RSRC2: variants seen among roughly 807,000 people sequenced by gnomAD.
The protein encoded by RSRC2 is arginine and serine rich coiled-coil 2, also known as arginine/serine-rich coiled-coil protein 2.
RSRC2 carries 5 observed loss-of-function variants against 61.3 expected under a neutral mutation model. That is an observed-to-expected ratio of 0.08 (90% CI 0.04 to 0.17). RSRC2 has a LOEUF of 0.17. Ranked by LOEUF, RSRC2 falls within the 10% of genes least tolerant of loss-of-function variation. RSRC2 has a pLI of 1.00. For synonymous variants in RSRC2, 202 were observed against 166.5 expected (o/e 1.21, Z -1.64); for missense variants, 381 against 518.8 (o/e 0.73, Z 2.58).
intron 2 of RSRC2, among the ~76,000 whole-genome samples, chr12:122,521,667 T>A (rs1959220747): frequency 6.6e-6 from 1 of 152,212 alleles, no homozygotes; most frequent in South Asian, 2.1e-4. Flanking sequence ...GTCATAGACT[T>A]TCAGTATTTT....
At chr12:122,517,115 C>G in intron 5 of RSRC2, 112 bp downstream of exon 5, 5 of 1,474,202 alleles carry the variant, frequency 3.4e-6, no homozygotes, top group Non-Finnish European at 4.6e-6. Flanking sequence ...ATAATTTTAC[C>G]ATAATCTATA....
At chr12:122,520,548 C>T (rs755039151) in intron 3 of RSRC2, 3 of 1,367,470 alleles carry the variant, frequency 2.2e-6, no homozygotes, top group Middle Eastern at 2.1e-4. Context: ...GAGTCTGCAG[C>T]GTCTTCAGTT....
At position 122,505,715 on chromosome 12, in the gene RSRC2, CAGA is replaced by C. The variant is rs1566321025; in HGVS notation, c.1126-12_1126-10del. 1.2e-6 allele frequency: 2 copies of C among 1,608,578 alleles called. No individual in the cohort carries two copies. The highest frequency in any genetic ancestry group is 2.2e-5 in the South Asian group (2 of 90,790). The stretch of plus-strand genomic sequence containing the variant: ...CCAGCTTCATCTTCACTCTAAAAAT[CAGA>C]CATAAAACATTACAATGAATTCAGA... On this transcript the variant is annotated splice_polypyrimidine_tract_variant and intron_variant, in intron 9 of 9. Coordinates refer to ENST00000331738, the MANE Select transcript of RSRC2 (RefSeq NM_023012.6).
intron 3 of RSRC2, chr12:122,519,384 T>C (rs975155400): frequency 2.7e-5 from 4 of 147,904 alleles, no homozygotes; most frequent in Non-Finnish European, 4.6e-5. Flanking sequence ...CCAGATTACA[T>C]AATGTTAAGT....
chr12:122,521,322 A>C (rs1260788878), intron 3 of RSRC2, 63 bp downstream of exon 3: 2 of 1,301,648 alleles, frequency 1.5e-6, no homozygotes, highest in African/African-American at 2.9e-5. Flanking sequence ...ATTCATACAA[A>C]TCTTTCTACC....
intron 6 of RSRC2, chr12:122,514,704 T>C: frequency 8.6e-7 from 1 of 1,158,410 alleles, no homozygotes; most frequent in South Asian, 1.5e-5. Context: ...TGACAAAATT[T>C]TACTTACTGT....
At chr12:122,519,330 T>C (rs1488921973) in intron 3 of RSRC2, 1 of 304,850 alleles carries the variant, frequency 3.3e-6, no homozygotes, top group Non-Finnish European at 6.2e-6. Flanking sequence ...CCCTTATGTT[T>C]ATCTAAAAGA....
chr12:122,525,446 C>T (rs575854185), intron 1 of RSRC2, among the ~76,000 whole-genome samples: 4 of 152,206 alleles, frequency 2.6e-5, no homozygotes, highest in African/African-American at 9.6e-5. Flanking sequence ...AGGCCCAAAA[C>T]ACTAAACAAA....
intron 4 of RSRC2, among the ~76,000 whole-genome samples, chr12:122,517,875 A>T (rs1279278819): frequency 6.6e-6 from 1 of 151,592 alleles, no homozygotes; most frequent in East Asian, 1.9e-4. Flanking sequence ...CTCCAACATT[A>T]AAAAAAATCT....
At position 122,506,887 on chromosome 12, in the gene RSRC2, T is replaced by C; in HGVS notation, c.1072A>G (p.Asn358Asp). Residue 358 changes from asparagine (N) to aspartate (D), a missense_variant, in exon 9 of 10, where the codon AAT (asparagine) becomes GAT (aspartate). Coordinates refer to ENST00000331738, the MANE Select transcript of RSRC2 (RefSeq NM_023012.6). ...ACATTTTGGTCCTTGTTTCCAAAAT[T>C]CAATTTTTCCCATATTTCAGCAGAT... ...SQSAEIWEKL[N>D]FGNKDQNVKF... 6.2e-7 allele frequency: 1 copy of C among 1,611,040 alleles called. No individual in the cohort carries two copies.
At chr12:122,512,405 C>T (rs1958591878) in intron 6 of RSRC2, among the ~76,000 whole-genome samples, 2 of 152,092 alleles carry the variant, frequency 1.3e-5, no homozygotes, top group Non-Finnish European at 1.5e-5. Context: ...TAATACAATG[C>T]AGGGGTAGTA....
At chr12:122,511,015 C>A (rs1958467056) in intron 7 of RSRC2, 94 bp downstream of exon 7, 2 of 875,844 alleles carry the variant, frequency 2.3e-6, no homozygotes, top group Admixed American at 2.5e-5. Flanking sequence ...AGCCACTGCA[C>A]TCCAGTCAGA....
In RSRC2 at chr12:122,505,386, A is replaced by G; in HGVS notation, c.*141T>C. 1.4e-6 allele frequency: 1 copy of G among 718,482 alleles called. No individual in the cohort carries two copies. Among genetic ancestry groups the G allele is most frequent in the Middle Eastern group, 2.5e-4 (1 of 4,076 alleles). 44.5% of individuals were successfully genotyped at this position (718,482 alleles called of 1,614,324 possible). ...CTAACACCAGTATCACTGATCTGAT[A>G]TTTACAAAAATTTGTATTTTTCAAT... On this transcript the variant is annotated 3_prime_UTR_variant, in exon 10 of 10. Transcript: ENST00000331738.
intron 8 of RSRC2, chr12:122,507,150 G>C: frequency 1.9e-6 from 1 of 527,314 alleles, no homozygotes; most frequent in Non-Finnish European, 3.4e-6. Flanking sequence ...GGCCGAGGTG[G>C]GCAAATCACC....
In RSRC2 at chr12:122,520,834, A is replaced by G. The variant is rs144954516; in HGVS notation, c.207+551T>C. 15 of 268,272 alleles carry G rather than the reference A, an allele frequency of 5.6e-5. No homozygotes were observed. In the East Asian group the frequency reaches 1.4e-3, roughly 25 times the overall value. 16.6% of individuals were successfully genotyped at this position (268,272 alleles called of 1,614,324 possible). A position where few individuals can be genotyped will look rare whatever the true frequency, so the allele number is the denominator to read the frequency against. On this transcript the variant is annotated intron_variant, in intron 3 of 9. Coordinates refer to ENST00000331738, the MANE Select transcript of RSRC2 (RefSeq NM_023012.6). ...GTGGGTGAACAAGTAACTCCTTTGC[A>G]ATACAGCTGCTGCCTTTCTTTTTCC...
chr12:122,508,521 CG>C (rs1703950664), intron 7 of RSRC2, 74 bp from the exon 8 acceptor site: 1 of 1,191,268 alleles, frequency 8.4e-7, no homozygotes, highest in East Asian at 2.6e-5. Context: ...CATTAACGAA[CG>C]ATTTATAAAA....
rs1593415918 is a variant in RSRC2, at chr12:122,521,198, G to A, written c.207+187C>T. ...ATATAATAAAATTAAAGTTTTGAAG[G>A]TACTTTTCACATAAACATCTTCTTC... On this transcript the variant is annotated intron_variant, in intron 3 of 9. Transcript: ENST00000331738. The A allele has an allele frequency of 8.5e-6, 4 of 473,258 alleles. No homozygotes were observed. In the Middle Eastern group the frequency reaches 1.7e-3, roughly 201 times the overall value. The allele number at this position is 473,258 out of a possible 1,614,324, so 29.3% of individuals were successfully genotyped here. A position where few individuals can be genotyped will look rare whatever the true frequency, so the allele number is the denominator to read the frequency against.
At position 122,505,193 on chromosome 12, in the gene RSRC2, T is replaced by G. The variant is rs1444236584; in HGVS notation, c.*334A>C. On this transcript the variant is annotated 3_prime_UTR_variant, in exon 10 of 10. Coordinates refer to ENST00000331738, the MANE Select transcript of RSRC2 (RefSeq NM_023012.6). ...AGAGATGAAAATAACTGTACAAGGT[T>G]AAGTACAAAAGTACACAAGACAGCG... is the stretch of plus-strand genomic sequence containing the variant. The G allele has an allele frequency of 5.0e-6, 1 of 200,664 alleles. No homozygotes were observed. The highest frequency in any genetic ancestry group is 2.3e-5 in the African/African-American group (1 of 43,096). The allele number at this position is 200,664 out of a possible 1,614,324, so 12.4% of individuals were successfully genotyped here.
At chr12:122,510,444 G>A (rs191094436) in intron 7 of RSRC2, among the ~76,000 whole-genome samples, 133 of 152,208 alleles carry the variant, frequency 8.7e-4, no homozygotes, top group Middle Eastern at 3.4e-3. Flanking sequence ...GCGGAGAATC[G>A]CTTAAATCCA....
Sources: gnomAD v4.1 joint callset for allele counts (sites outside exome capture counted in the v4.1 genomes callset) on GRCh38, gnomAD v4.1.1 for gene constraint, MANE v1.5 for transcripts, NCBI Gene and HGNC (gene_info 2026-07-23, HGNC 2026-07-21) for gene names.